UBQLN4: variants seen among roughly 807,000 people sequenced by gnomAD.
UBQLN4 encodes ubiquilin-4.
In UBQLN4, 11 loss-of-function variants were observed where a neutral mutation model predicts 60.4. The observed-to-expected ratio is 0.18, with a 90% CI of 0.11 to 0.30. The LOEUF is 0.30. UBQLN4 is among the 10% of genes least tolerant of loss of function. The pLI, the probability that UBQLN4 is intolerant of heterozygous loss-of-function variation, is 1.00. For synonymous variants in UBQLN4, 258 were observed against 313.1 expected, an observed-to-expected ratio of 0.82 and a Z score of 1.86; for missense variants, 417 against 795.5, an observed-to-expected ratio of 0.52 and a Z score of 5.72.
intron 6 of UBQLN4, 47 bp from the exon 7 acceptor site, chr1:156,042,960 T>C: frequency 4.4e-6 from 7 of 1,596,060 alleles, no homozygotes; most frequent in South Asian, 1.1e-5. Context: ...AGGGTCCAGA[T>C]GGAAACCGAA....
Position 156,050,180 on chromosome 1 carries a change from A to G in UBQLN4, c.741+111T>C. On this transcript the variant is annotated intron_variant, in intron 4 of 10. Transcript: ENST00000368309. This position sits in a 1 kb window ranked among gnomAD's most constrained non-coding sequence, Gnocchi z 4.6. The stretch of plus-strand genomic sequence containing the variant: ...TTCATCCCTGTACCTCCAGTGTTCA[A>G]AACTGCTGAATACACGAATGAACAA... The G allele has an allele frequency of 7.1e-7, 1 of 1,412,830 alleles. No homozygotes were observed. The allele number at this position is 1,412,830 out of a possible 1,614,324, so 87.5% of individuals were successfully genotyped here.
intron 7 of UBQLN4, 64 bp from the exon 8 acceptor site, chr1:156,042,300 C>T: frequency 1.3e-6 from 2 of 1,510,944 alleles, no homozygotes; most frequent in Non-Finnish European, 1.8e-6. Flanking sequence ...CCCCCACAGC[C>T]TCAGACTCCC....
Position 156,048,791 on chromosome 1 carries a change from G to C in UBQLN4, c.742-132C>G, listed in dbSNP as rs1257760084. ...GCCCAGGAACTGCCCCACAGTGACAGGGAGTAGAGTAAACTGGACTTCCTT... is the reference window on the plus strand; with the variant it reads ...GCCCAGGAACTGCCCCACAGTGACACGGAGTAGAGTAAACTGGACTTCCTT... On this transcript the variant is annotated intron_variant, in intron 4 of 10. Transcript: ENST00000368309. The surrounding 1 kb of genome is among the most constrained non-coding windows in gnomAD (Gnocchi z 4.9). The C allele has an allele frequency of 1.0e-6, 1 of 999,112 alleles. No individual in the cohort carries two copies. Among genetic ancestry groups the C allele is most frequent in the Non-Finnish European group, 1.5e-6 (1 of 686,592 alleles). The allele number at this position is 999,112 out of a possible 1,614,324, so 61.9% of individuals were successfully genotyped here.
chr1:156,053,500 G>A, intron 1 of UBQLN4, 94 bp downstream of exon 1: 2 of 793,574 alleles, frequency 2.5e-6, no homozygotes, highest in South Asian at 5.9e-5. Flanking sequence ...CCTCCTCTCC[G>A]GGGCCCTCCG....
At chr1:156,051,909 C>T in intron 1 of UBQLN4, 52 bp from the exon 2 acceptor site, 1 of 1,606,886 alleles carries the variant, frequency 6.2e-7, no homozygotes, top group Non-Finnish European at 8.5e-7. Context: ...CTCCCCCTAC[C>T]AGGGACCCTG....
At chr1:156,037,381 G>A (rs1195548545) in intron 10 of UBQLN4, among the ~76,000 whole-genome samples, 1 of 152,016 alleles carries the variant, frequency 6.6e-6, no homozygotes, top group Non-Finnish European at 1.5e-5. Context: ...GGATCACGAG[G>A]TCAGAAGATC....
Position 156,050,828 on chromosome 1 carries a change from C to G in UBQLN4, c.479-275G>C, listed in dbSNP as rs1179150909. Among the ~76,000 whole-genome samples, 1 of 152,274 alleles carries G rather than the reference C, an allele frequency of 6.6e-6. No homozygotes were observed. Among genetic ancestry groups the G allele is most frequent in the Admixed American group, 6.5e-5 (1 of 15,298 alleles). On this transcript the variant is annotated intron_variant, in intron 3 of 10. Coordinates refer to ENST00000368309, the MANE Select transcript of UBQLN4 (RefSeq NM_020131.5). The surrounding 1 kb of genome is among the most constrained non-coding windows in gnomAD (Gnocchi z 4.6). ...GTGGCTACTGCTGGATCCAACTTTTCCCCAGACTCACAGGGTCTTCCATTC... is the reference window on the plus strand; with the variant it reads ...GTGGCTACTGCTGGATCCAACTTTTGCCCAGACTCACAGGGTCTTCCATTC...
chr1:156,050,412 T>C lies in UBQLN4; in HGVS notation c.620A>G (p.Asp207Gly). The change falls in exon 4 of 11, where the codon GAT becomes GGT. Residue 207 changes from aspartate to glycine, a missense_variant. Physicochemically the swap from Asp to Gly is moderately conservative, Grantham distance 94. Transcript: ENST00000368309. This position sits in a 1 kb window ranked among gnomAD's most constrained non-coding sequence, Gnocchi z 4.6. ...CATCAGATCAGGGTTAGACATCATA[T>C]CCTGGACCAGGGGGTTCTCCATGAT... ...SQIMENPLVQ[D>G]MMSNPDLMRH... 6.2e-7 allele frequency: 1 copy of C among 1,614,116 alleles called. No individual in the cohort carries two copies. Among genetic ancestry groups the C allele is most frequent in the Non-Finnish European group, 8.5e-7 (1 of 1,180,028 alleles).
chr1:156,051,671 A>G (rs1472434519), intron 2 of UBQLN4, 35 bp downstream of exon 2: 9 of 1,610,596 alleles, frequency 5.6e-6, no homozygotes, highest in Non-Finnish European at 7.6e-6. Flanking sequence ...GGGAGGCCCA[A>G]TCAGAAGCTG....
chr1:156,039,936 C>CAAAAAAAA (rs34790727), intron 10 of UBQLN4, among the ~76,000 whole-genome samples: 1 of 72,008 alleles, frequency 1.4e-5, no homozygotes, highest in African/African-American at 5.6e-5. Context: ...GACTCCGTCT[C>CAAAAAAAA]AAAAAAAAAA....
Position 156,035,805 on chromosome 1 carries a change from T to G in UBQLN4, c.*1173A>C. On this transcript the variant is annotated 3_prime_UTR_variant, in exon 11 of 11. Transcript: ENST00000368309. Reference sequence around the variant, plus strand: ...CTCTCCCGGATATATATTCCTGCAATGGACTGACCTTTTTACCCACTTGTC... The same window carrying G: ...CTCTCCCGGATATATATTCCTGCAAGGGACTGACCTTTTTACCCACTTGTC... The G allele has an allele frequency of 1.0e-6, 1 of 985,476 alleles. No individual in the cohort carries two copies. The allele number at this position is 985,476 out of a possible 1,614,324, so 61.0% of individuals were successfully genotyped here. A position where few individuals can be genotyped will look rare whatever the true frequency, so the allele number is the denominator to read the frequency against.
Position 156,048,480 on chromosome 1 carries a change from T to G in UBQLN4, c.900+21A>C. 1.3e-6 allele frequency: 2 copies of G among 1,596,576 alleles called. No homozygotes were observed. Among genetic ancestry groups the G allele is most frequent in the Non-Finnish European group, 1.7e-6 (2 of 1,166,398 alleles). Reference sequence around the variant, plus strand: ...CTCGAGCCCAGACAGCCCAACCCACTACCCTGGCCCTTGATCCCACCTGTT... The same window carrying G: ...CTCGAGCCCAGACAGCCCAACCCACGACCCTGGCCCTTGATCCCACCTGTT... On this transcript the variant is annotated intron_variant, in intron 5 of 10. Transcript: ENST00000368309. This position sits in a 1 kb window ranked among gnomAD's most constrained non-coding sequence, Gnocchi z 4.9.
At chr1:156,033,268 A>G (rs1683325807), downstream of UBQLN4, 2 of 985,502 alleles carry the variant, frequency 2.0e-6, no homozygotes, top group Non-Finnish European at 2.4e-6. Context: ...CGGGGCTCCA[A>G]GGAAAGCTCT....
At chr1:156,038,696 T>G (rs1683468313) in intron 10 of UBQLN4, among the ~76,000 whole-genome samples, 1 of 152,220 alleles carries the variant, frequency 6.6e-6, no homozygotes, top group Admixed American at 6.5e-5. Flanking sequence ...GAAAAAAATT[T>G]TTTTAGCAGA....
At chr1:156,052,340 A>G (rs777903399) in intron 1 of UBQLN4, among the ~76,000 whole-genome samples, 6 of 152,202 alleles carry the variant, frequency 3.9e-5, no homozygotes, top group Non-Finnish European at 8.8e-5. Flanking sequence ...TATTATTTTT[A>G]TCTTGAGATG....
chr1:156,044,297 T>C, intron 5 of UBQLN4, 74 bp from the exon 6 acceptor site: 1 of 1,324,002 alleles, frequency 7.6e-7, no homozygotes, highest in Non-Finnish European at 1.1e-6. Context: ...TTCTCTCCTC[T>C]CACTTAATAG....
At chr1:156,038,119 T>C (rs1683454862) in intron 10 of UBQLN4, among the ~76,000 whole-genome samples, 1 of 152,226 alleles carries the variant, frequency 6.6e-6, no homozygotes, top group African/African-American at 2.4e-5. Context: ...CTCATGCCTA[T>C]AATCCCAGCA....
chr1:156,040,612 ATT>A (rs977311697), intron 10 of UBQLN4, among the ~76,000 whole-genome samples: 1 of 144,772 alleles, frequency 6.9e-6, no homozygotes, highest in Admixed American at 6.9e-5. Context: ...CGCCTGGCTA[ATT>A]TTTTTTTTTT....
chr1:156,031,841 G>A (rs1683304093), downstream of UBQLN4, among the ~76,000 whole-genome samples: 3 of 151,936 alleles, frequency 2.0e-5, no homozygotes, highest in African/African-American at 7.3e-5. Flanking sequence ...GGGTTTAAAT[G>A]CTAGCTGTTT....
Sources: allele counts gnomAD v4.1 joint callset (sites outside exome capture counted in the v4.1 genomes callset), GRCh38; gene constraint gnomAD v4.1.1; non-coding constraint Gnocchi (gnomAD v3.1); transcripts MANE v1.5; gene names NCBI Gene and HGNC (gene_info 2026-07-23, HGNC 2026-07-21).